Variants in EIF4E2 observed in about 807,000 individuals in gnomAD.
The protein encoded by EIF4E2 is eukaryotic translation initiation factor 4E type 2.
EIF4E2 carries 13 observed loss-of-function variants against 34.2 expected under a neutral mutation model. The observed-to-expected ratio is 0.38, with a 90% CI of 0.25 to 0.60. The LOEUF (loss-of-function observed/expected upper bound fraction) is 0.60, where lower values mean the gene tolerates loss of function less well. Ranked by LOEUF, EIF4E2 falls within the 20% of genes least tolerant of loss-of-function variation. EIF4E2 has a pLI of 0.62. For synonymous variants in EIF4E2, 100 were observed against 106.6 expected (o/e 0.94, Z 0.38); for missense variants, 222 against 315.1 (o/e 0.70, Z 2.24).
intron 1 of EIF4E2, among the ~76,000 whole-genome samples, chr2:232,555,106 G>A (rs1333552622): frequency 6.6e-6 from 1 of 152,154 alleles, no homozygotes. Context: ...ATATTTATTG[G>A]ATACTTTTAA....
rs1464289401 is a variant in EIF4E2, at chr2:232,566,177, G to A, written c.376-652G>A. ...ACAGTCAGTACTTTTTTTTGTCGTC[G>A]TTGTTGTTTTGTTTTGTTTTGTTTT... On this transcript the variant is annotated intron_variant, in intron 4 of 6. Coordinates refer to ENST00000258416, the MANE Select transcript of EIF4E2 (RefSeq NM_004846.4). This position sits in a 1 kb window ranked among gnomAD's most constrained non-coding sequence, Gnocchi z 4.9. Among the ~76,000 whole-genome samples the A allele has an allele frequency of 3.3e-5, 5 of 151,546 alleles. 1 individual carries two copies. The South Asian group carries it at 8.3e-4, about 25-fold the overall frequency.
At chr2:232,575,931 C>T (rs543497220) in intron 6 of EIF4E2, among the ~76,000 whole-genome samples, 14 of 152,034 alleles carry the variant, frequency 9.2e-5, no homozygotes, top group South Asian at 2.1e-4. Context: ...CTTTGCTGGG[C>T]GCAGTGGCTC....
chr2:232,580,838 A>T (rs1482727686), intron 6 of EIF4E2: 8 of 1,393,040 alleles, frequency 5.7e-6, no homozygotes, highest in African/African-American at 1.4e-5. Context: ...CCCCCTGTAT[A>T]TGTGTGCTTC....
At chr2:232,559,957 C>G (rs1216475064) in intron 3 of EIF4E2, among the ~76,000 whole-genome samples, 1 of 152,078 alleles carries the variant, frequency 6.6e-6, no homozygotes, top group Non-Finnish European at 1.5e-5. Flanking sequence ...TGCCACTGCA[C>G]TCTAGCCTGG....
intron 6 of EIF4E2, among the ~76,000 whole-genome samples, chr2:232,578,771 A>G (rs1184204741): frequency 6.6e-6 from 1 of 152,204 alleles, no homozygotes; most frequent in African/African-American, 2.4e-5. Flanking sequence ...GATTACCCTG[A>G]AAATCCTTTT....
At chr2:232,552,299 C>T (rs538534238) in intron 1 of EIF4E2, among the ~76,000 whole-genome samples, 1 of 152,296 alleles carries the variant, frequency 6.6e-6, no homozygotes, top group South Asian at 2.1e-4. Flanking sequence ...GCCCACTCAA[C>T]CTCCCGGGCA....
In EIF4E2 at chr2:232,581,392, C is replaced by T. The variant is rs535818772; in HGVS notation, c.*449C>T. 3 of 316,360 alleles carry T rather than the reference C, an allele frequency of 9.5e-6. No homozygotes were observed. The East Asian group carries it at 2.7e-4, about 28-fold the overall frequency. The allele number at this position is 316,360 out of a possible 1,614,324, so 19.6% of individuals were successfully genotyped here. The stretch of plus-strand genomic sequence containing the variant: ...GAGTCCCAAAATAGCTGTAAATGCT[C>T]TCTTCTAGCTCTGCCATTAAATTAT... On this transcript the variant is annotated 3_prime_UTR_variant, in exon 7 of 7. Coordinates refer to the EIF4E2 transcript ENST00000409098. This position sits in a 1 kb window ranked among gnomAD's most constrained non-coding sequence, Gnocchi z 5.2.
chr2:232,569,295 AC>A, downstream of EIF4E2: 1 of 1,236,028 alleles, frequency 8.1e-7, no homozygotes, highest in South Asian at 2.6e-5. Flanking sequence ...GATGGCACAG[AC>A]TTTTCCATGG....
intron 1 of EIF4E2, among the ~76,000 whole-genome samples, chr2:232,552,514 A>G (rs1357400203): frequency 6.6e-6 from 1 of 152,118 alleles, no homozygotes; most frequent in Non-Finnish European, 1.5e-5. Flanking sequence ...CCAGCCTCAT[A>G]TGTTATTTCT....
At chr2:232,575,083 C>G (rs1240141085) in intron 6 of EIF4E2, among the ~76,000 whole-genome samples, 2 of 152,288 alleles carry the variant, frequency 1.3e-5, no homozygotes, top group East Asian at 3.9e-4. Flanking sequence ...GAGATGACAG[C>G]CTTTTCCTGG....
chr2:232,567,598 T>G, intron 6 of EIF4E2: 1 of 1,160,360 alleles, frequency 8.6e-7, no homozygotes, highest in Non-Finnish European at 1.1e-6. Context: ...TCTGCATGTC[T>G]TTTTAACTTG....
At chr2:232,570,373 C>CA (rs1427574422), downstream of EIF4E2, among the ~76,000 whole-genome samples, 1 of 152,134 alleles carries the variant, frequency 6.6e-6, no homozygotes, top group Non-Finnish European at 1.5e-5. Flanking sequence ...TAGTATTTGT[C>CA]AAAGAATTAC....
intron 6 of EIF4E2, among the ~76,000 whole-genome samples, chr2:232,576,647 C>T (rs905410295): frequency 6.6e-6 from 1 of 152,134 alleles, no homozygotes; most frequent in Non-Finnish European, 1.5e-5. Flanking sequence ...AATGAATTTA[C>T]ACAGCAACAA....
At chr2:232,567,297 G>T in intron 6 of EIF4E2, 83 bp downstream of exon 6, 1 of 1,579,678 alleles carries the variant, frequency 6.3e-7, no homozygotes, top group South Asian at 1.2e-5. Context: ...GAATATGGCC[G>T]GACAGGAGAC....
chr2:232,559,219 TAAAA>T (rs1553582294), intron 3 of EIF4E2, among the ~76,000 whole-genome samples: 2 of 66,968 alleles, frequency 3.0e-5, no homozygotes, highest in East Asian at 8.0e-4. Flanking sequence ...ACTTAAAGTA[TAAAA>T]AAAAAAAAAA....
rs1212856964 is a variant in EIF4E2, at chr2:232,566,960, T to C, written c.507T>C (p.Ala169=). 2.5e-6 allele frequency: 4 copies of C among 1,599,144 alleles called. No homozygotes were observed. Among genetic ancestry groups the C allele is most frequent in the Non-Finnish European group, 3.4e-6 (4 of 1,172,336 alleles). The stretch of plus-strand genomic sequence containing the variant: ...TGGTTGGGGAGGAGATCTGTGGGGC[T>C]GTGGTGTCTGTCCGCTTTCAGGTAA... The part of the protein sequence containing the change: ...QFMVGEEICG[A]VVSVRFQEDI... Residue 169 remains alanine, a synonymous_variant, in exon 5 of 7, where the codon GCT becomes GCC. Coordinates refer to ENST00000258416, the MANE Select transcript of EIF4E2 (RefSeq NM_004846.4). This position sits in a 1 kb window ranked among gnomAD's most constrained non-coding sequence, Gnocchi z 4.9.
intron 6 of EIF4E2, among the ~76,000 whole-genome samples, chr2:232,579,732 A>G (rs1278169536): frequency 6.6e-6 from 1 of 152,192 alleles, no homozygotes; most frequent in Non-Finnish European, 1.5e-5. Flanking sequence ...AGACCATGAC[A>G]GGAGGGTCAC....
chr2:232,556,746 T>C (rs1692538751), intron 2 of EIF4E2: 3 of 529,938 alleles, frequency 5.7e-6, no homozygotes, highest in Non-Finnish European at 1.0e-5. Context: ...TGCCTTGCTT[T>C]CAACGTTCTC....
chr2:232,552,637 G>T (rs1692383703), intron 1 of EIF4E2, among the ~76,000 whole-genome samples: 1 of 152,100 alleles, frequency 6.6e-6, no homozygotes, highest in South Asian at 2.1e-4. Context: ...CAGGTTTGTT[G>T]TGTAACCTTG....
Sources: allele counts gnomAD v4.1 joint callset (sites outside exome capture counted in the v4.1 genomes callset), GRCh38; gene constraint gnomAD v4.1.1; non-coding constraint Gnocchi (gnomAD v3.1); transcripts MANE v1.5; gene names NCBI Gene and HGNC (gene_info 2026-07-23, HGNC 2026-07-21).